Variants in AATF observed in about 807,000 individuals in gnomAD.
AATF encodes apoptosis antagonizing transcription factor.
A neutral mutation model predicts 63.7 loss-of-function variants in AATF; 48 were observed. The ratio of observed to expected loss-of-function variants is 0.75; its 90% confidence interval spans 0.60 to 0.96. The LOEUF is 0.96. Among genes scored for constraint, AATF ranks in the 40% least tolerant of loss-of-function variants. The probability of loss-of-function intolerance (pLI) is 0.00; values close to 1 mark genes in which losing one functional copy is unlikely to be tolerated. For synonymous variants in AATF, 258 were observed against 247.7 expected, an observed-to-expected ratio of 1.04 and a Z score of -0.39; for missense variants, 639 against 685.7, an observed-to-expected ratio of 0.93 and a Z score of 0.76.
At chr17:37,028,535 G>A (rs1002941473) in intron 10 of AATF, among the ~76,000 whole-genome samples, 1 of 152,022 alleles carries the variant, frequency 6.6e-6, no homozygotes, top group African/African-American at 2.4e-5. Context: ...CCTGTAATCC[G>A]AGCACTTTTG....
intron 8 of AATF, among the ~76,000 whole-genome samples, chr17:36,996,539 G>A (rs1597718369): frequency 6.6e-6 from 1 of 152,106 alleles, no homozygotes; most frequent in Non-Finnish European, 1.5e-5. Context: ...AAATACCAGG[G>A]CCCAATTAAA....
At chr17:37,018,474 A>G (rs1187819391) in intron 8 of AATF, among the ~76,000 whole-genome samples, 2 of 152,228 alleles carry the variant, frequency 1.3e-5, no homozygotes, top group Non-Finnish European at 2.9e-5. Context: ...CAAGCATGGT[A>G]GAGTAGCAGC....
At chr17:37,047,727 C>G (rs1360344912) in intron 11 of AATF, among the ~76,000 whole-genome samples, 1 of 152,202 alleles carries the variant, frequency 6.6e-6, no homozygotes, top group East Asian at 1.9e-4. Context: ...TCTAGAGTCT[C>G]CTTCAAGCAC....
chr17:37,020,095 T>C (rs2071458009), intron 9 of AATF, among the ~76,000 whole-genome samples: 1 of 152,170 alleles, frequency 6.6e-6, no homozygotes, highest in Admixed American at 6.5e-5. Flanking sequence ...TTTTTCACTT[T>C]AGTTCATATG....
At chr17:37,049,016 G>A (rs115147969) in intron 11 of AATF, among the ~76,000 whole-genome samples, 2,492 of 152,190 alleles carry the variant, frequency 0.016, 80 homozygotes, top group African/African-American at 0.056. Context: ...CATAGATGAC[G>A]ATGCCATTTA....
intron 8 of AATF, among the ~76,000 whole-genome samples, chr17:37,016,886 T>C (rs2071432971): frequency 6.6e-6 from 1 of 152,208 alleles, no homozygotes. Flanking sequence ...TTCTGAAATA[T>C]TGGACTGAAT....
At chr17:36,992,565 A>G (rs1286488705) in intron 8 of AATF, among the ~76,000 whole-genome samples, 1 of 152,000 alleles carries the variant, frequency 6.6e-6, no homozygotes, top group Non-Finnish European at 1.5e-5. Context: ...AATAAAATAA[A>G]GTGAAATTAC....
intron 4 of AATF, among the ~76,000 whole-genome samples, chr17:36,981,584 T>C (rs1441954262): frequency 6.6e-6 from 1 of 151,792 alleles, no homozygotes; most frequent in Non-Finnish European, 1.5e-5. Context: ...TCAGGGACTA[T>C]AGGCGTGTGC....
intron 4 of AATF, among the ~76,000 whole-genome samples, chr17:36,970,604 G>A (rs1378134790): frequency 1.3e-5 from 2 of 148,634 alleles, no homozygotes; most frequent in African/African-American, 5.0e-5. Flanking sequence ...ATGCAGTGAC[G>A]ATCATGGCTC....
intron 11 of AATF, among the ~76,000 whole-genome samples, chr17:37,051,790 A>G (rs1567999523): frequency 6.6e-6 from 1 of 151,916 alleles, no homozygotes; most frequent in Non-Finnish European, 1.5e-5. Flanking sequence ...TTCTAGAAAC[A>G]GGTTTTAAGA....
At chr17:36,992,936 A>G (rs2071226881) in intron 8 of AATF, among the ~76,000 whole-genome samples, 1 of 152,212 alleles carries the variant, frequency 6.6e-6, no homozygotes, top group African/African-American at 2.4e-5. Flanking sequence ...GTAAAGGTGA[A>G]TGATGGGTGA....
intron 11 of AATF, among the ~76,000 whole-genome samples, chr17:37,048,559 C>T (rs777397936): frequency 1.8e-4 from 27 of 151,872 alleles, no homozygotes; most frequent in Admixed American, 5.9e-4. Context: ...TTAGTAGAGA[C>T]GAGGTTTCTC....
At chr17:37,036,576 A>T in intron 11 of AATF, among the ~76,000 whole-genome samples, 1 of 151,596 alleles carries the variant, frequency 6.6e-6, no homozygotes, top group East Asian at 1.9e-4. Flanking sequence ...CACGCTAAGA[A>T]TTTTTCTCTT....
chr17:37,009,583 C>T (rs1446976704), intron 8 of AATF, among the ~76,000 whole-genome samples: 64 of 147,454 alleles, frequency 4.3e-4, no homozygotes, highest in African/African-American at 1.5e-3. Context: ...TTTGGGAGGC[C>T]GAGGCGGGTG....
At chr17:37,007,828 T>C (rs934793765) in intron 8 of AATF, among the ~76,000 whole-genome samples, 2 of 152,178 alleles carry the variant, frequency 1.3e-5, no homozygotes, top group Non-Finnish European at 2.9e-5. Context: ...AGGAATTGTG[T>C]AATCAGGGTA....
intron 4 of AATF, among the ~76,000 whole-genome samples, chr17:36,984,633 GTT>G (rs987187375): frequency 6.6e-6 from 1 of 152,110 alleles, no homozygotes; most frequent in African/African-American, 2.4e-5. Context: ...GACCAGTTTT[GTT>G]TTTTGCGGGG....
rs7350914 is a variant in AATF, at chr17:37,025,495, C to T, written c.1547+4481C>T. Among the ~76,000 whole-genome samples the T allele has an allele frequency of 4.6e-5, 7 of 151,896 alleles. No homozygotes were observed. The East Asian group carries it at 1.2e-3, about 25-fold the overall frequency. On this transcript the variant is annotated intron_variant, in intron 10 of 11. Coordinates refer to ENST00000619387, the MANE Select transcript of AATF (RefSeq NM_012138.4). The stretch of plus-strand genomic sequence containing the variant: ...AATGCTGAGGAACAGTGGCCATTGA[C>T]GGGGGAGGGCAGGAGGAGGTTACGA...
chr17:37,009,919 T>C (rs2071377199), intron 8 of AATF, among the ~76,000 whole-genome samples: 1 of 149,390 alleles, frequency 6.7e-6, no homozygotes, highest in Admixed American at 6.7e-5. Context: ...ATGTAAGACA[T>C]GTGAGAAGGA....
intron 11 of AATF, among the ~76,000 whole-genome samples, chr17:37,032,370 C>T (rs1360282531): frequency 6.6e-6 from 1 of 152,158 alleles, no homozygotes; most frequent in East Asian, 1.9e-4. Context: ...GAAGTGCCGT[C>T]AAACTGGCTT....
Sources: allele counts gnomAD v4.1 joint callset (sites outside exome capture counted in the v4.1 genomes callset), GRCh38; gene constraint gnomAD v4.1.1; transcripts MANE v1.5; gene names NCBI Gene and HGNC (gene_info 2026-07-23, HGNC 2026-07-21).